Variants in CCDC158 observed in about 807,000 individuals in gnomAD.
The protein encoded by CCDC158 is coiled-coil domain containing 158, also known as coiled-coil domain-containing protein 158.
CCDC158 carries 116 observed loss-of-function variants against 138.6 expected under a neutral mutation model. The ratio of observed to expected loss-of-function variants is 0.84; its 90% confidence interval spans 0.72 to 0.98. CCDC158 has a LOEUF of 0.98. CCDC158 is among the 50% of genes least tolerant of loss of function. The pLI, the probability that CCDC158 is intolerant of heterozygous loss-of-function variation, is 0.00. For synonymous variants in CCDC158, 436 were observed against 442.4 expected, an observed-to-expected ratio of 0.99 and a Z score of 0.18; for missense variants, 1,265 against 1,306.1, an observed-to-expected ratio of 0.97 and a Z score of 0.48.
chr4:76,401,836 T>A (rs1728420182), intron 3 of CCDC158, among the ~76,000 whole-genome samples: 1 of 152,138 alleles, frequency 6.6e-6, no homozygotes, highest in Non-Finnish European at 1.5e-5. Flanking sequence ...GTGATCTAAG[T>A]GCCAGTGCCA....
intron 18 of CCDC158, chr4:76,344,667 A>C: frequency 6.2e-7 from 1 of 1,612,678 alleles, no homozygotes; most frequent in Non-Finnish European, 8.5e-7. Context: ...CACACTGCCC[A>C]TGTTTCAGAG....
chr4:76,335,933 G>A (rs1721442612), intron 18 of CCDC158, among the ~76,000 whole-genome samples: 1 of 151,184 alleles, frequency 6.6e-6, no homozygotes, highest in African/African-American at 2.4e-5. Context: ...TGTAATCCCA[G>A]CACTTTGGGA....
intron 4 of CCDC158, among the ~76,000 whole-genome samples, chr4:76,387,821 T>TAAAAAAAAAAAAAAAAAAA: frequency 9.6e-6 from 1 of 104,018 alleles, no homozygotes; most frequent in East Asian, 2.8e-4. Flanking sequence ...AGACTACAAC[T>TAAAAAAAAAAAAAAAAAAA]AAAAAAAAAA....
intron 24 of CCDC158, among the ~76,000 whole-genome samples, chr4:76,315,128 G>A (rs1719252271): frequency 1.3e-5 from 2 of 152,152 alleles, no homozygotes; most frequent in Non-Finnish European, 2.9e-5. Context: ...CCAACTGTGT[G>A]GGAGCTAGGT....
intron 4 of CCDC158, among the ~76,000 whole-genome samples, chr4:76,385,045 C>G (rs558510719): frequency 1.4e-4 from 21 of 152,206 alleles, no homozygotes; most frequent in Admixed American, 2.6e-4. Context: ...CAGCAAACAC[C>G]ACCATCCAAA....
rs1722382842 is a variant in CCDC158, at chr4:76,344,753, T to C, written c.2664+6243A>G. 7 of 1,613,298 alleles carry C rather than the reference T, an allele frequency of 4.3e-6. No individual in the cohort carries two copies. In the Admixed American group the frequency reaches 1.2e-4, roughly 27 times the overall value. ...ACACTCTTATTGAAACAACAGACTATGCTGGGCTTATTATTCCACCTGCTG... is the reference window on the plus strand; with the variant it reads ...ACACTCTTATTGAAACAACAGACTACGCTGGGCTTATTATTCCACCTGCTG... On this transcript the variant is annotated intron_variant, in intron 18 of 24. Transcript: ENST00000682701.
chr4:76,362,287 A>G lies in CCDC158; in HGVS notation c.1859T>C (p.Ile620Thr), dbSNP rs751963847. The G allele has an allele frequency of 6.2e-7, 1 of 1,612,592 alleles. No homozygotes were observed. Among genetic ancestry groups the G allele is most frequent in the East Asian group, 2.2e-5 (1 of 44,864 alleles). Reference protein sequence around the residue: ...KILKDKKDAKIRELEARVSDL... With the variant: ...KILKDKKDAKTRELEARVSDL... ...ACTCACTCTGGCCTCAAGCTCCCGGATCTTTGCATCTTTTTTATCTTTTAA... is the reference window on the plus strand; with the variant it reads ...ACTCACTCTGGCCTCAAGCTCCCGGGTCTTTGCATCTTTTTTATCTTTTAA... Residue 620 changes from isoleucine (I) to threonine (T), a missense_variant, in exon 13 of 25, where the codon ATC becomes ACC. Transcript: ENST00000682701.
chr4:76,367,671 T>C lies in CCDC158; in HGVS notation c.1453A>G (p.Thr485Ala), dbSNP rs1269912485. 5 of 1,614,108 alleles carry C rather than the reference T, an allele frequency of 3.1e-6. No individual in the cohort carries two copies. In the African/African-American group the frequency reaches 4.0e-5, roughly 13 times the overall value. ...CTCTCCAGAGTCATTTTCTTGGCTG[T>C]CAACTCTTCTACTACTTTGCGCAGC... ...EMLRKVVEEL[T>A]AKKMTLESSE... The change falls in exon 12 of 25, where the codon ACA becomes GCA. Residue 485 changes from threonine to alanine, a missense_variant. Coordinates refer to ENST00000682701, the MANE Select transcript of CCDC158 (RefSeq NM_001394954.1).
At chr4:76,416,464 T>A (rs1297296785) in intron 1 of CCDC158, among the ~76,000 whole-genome samples, 2 of 152,034 alleles carry the variant, frequency 1.3e-5, no homozygotes, top group African/African-American at 4.8e-5. Context: ...CTAATGTTAA[T>A]CCCCAAGACC....
At chr4:76,325,714 A>T in intron 23 of CCDC158, 143 bp downstream of exon 23, 3 of 568,084 alleles carry the variant, frequency 5.3e-6, no homozygotes, top group Non-Finnish European at 8.8e-6. Context: ...CTATTTAAAA[A>T]AGACCTGTTT....
chr4:76,325,682 T>C (rs2271403), intron 23 of CCDC158, among the ~76,000 whole-genome samples, 175 bp downstream of exon 23: 87,953 of 152,116 alleles, frequency 0.58, 26,447 homozygotes, highest in East Asian at 0.78. Flanking sequence ...TACTAAGGCT[T>C]GCATGGTACA....
chr4:76,334,000 AC>A lies in CCDC158; in HGVS notation c.2822+9del, dbSNP rs756762692. The stretch of plus-strand genomic sequence containing the variant: ...ATGAGCTTTCCCATTCTGTGTGCAC[AC>A]AGCCTTACACAGCCACATACAAGGC... On this transcript the variant is annotated intron_variant, in intron 19 of 24. Transcript: ENST00000682701. The A allele has an allele frequency of 7.0e-6, 11 of 1,571,086 alleles. No homozygotes were observed. The highest frequency in any genetic ancestry group is 9.5e-6 in the Non-Finnish European group (11 of 1,153,468).
chr4:76,352,449 A>C (rs1459938544), intron 16 of CCDC158: 2 of 152,206 alleles, frequency 1.3e-5, no homozygotes, highest in African/African-American at 4.8e-5. Context: ...AAATAACCAC[A>C]ACTGAAATTC....
chr4:76,365,235 G>A (rs994598135), intron 12 of CCDC158, among the ~76,000 whole-genome samples: 4 of 152,174 alleles, frequency 2.6e-5, no homozygotes, highest in Non-Finnish European at 4.4e-5. Context: ...CTGAAGAGGG[G>A]ACAGAAACCA....
Position 76,420,265 on chromosome 4 carries a change from T to C in CCDC158, c.-117+700A>G, listed in dbSNP as rs144432909. ...GTCCTTTCCCCACACGCCCCCGCCA[T>C]ACCCGGCCACAACGCCTTAATCTCC... On this transcript the variant is annotated intron_variant, in intron 1 of 24. Transcript: ENST00000682701. Among the ~76,000 whole-genome samples the C allele has an allele frequency of 4.4e-3, 675 of 152,170 alleles. 6 individuals are homozygous for C. Among genetic ancestry groups the C allele is most frequent in the African/African-American group, 0.015 (613 of 41,534 alleles).
intron 11 of CCDC158, among the ~76,000 whole-genome samples, chr4:76,368,757 C>T (rs1038584208): frequency 1.3e-5 from 2 of 152,244 alleles, no homozygotes; most frequent in Non-Finnish European, 1.5e-5. Flanking sequence ...ACCTTCAACC[C>T]TGTTGCTTCT....
intron 18 of CCDC158, among the ~76,000 whole-genome samples, chr4:76,343,329 G>A (rs1280385840): frequency 6.6e-6 from 1 of 152,104 alleles, no homozygotes; most frequent in Non-Finnish European, 1.5e-5. Context: ...CAGTTGAAAA[G>A]CCCTGACAAC....
chr4:76,421,166 C>T (rs1730097010), upstream of CCDC158, among the ~76,000 whole-genome samples: 1 of 151,980 alleles, frequency 6.6e-6, no homozygotes, highest in African/African-American at 2.4e-5. Flanking sequence ...CTCCTCGCGG[C>T]TGTGGCGCTC....
intron 1 of CCDC158, among the ~76,000 whole-genome samples, chr4:76,415,823 T>C (rs1216463092): frequency 6.6e-6 from 1 of 152,190 alleles, no homozygotes; most frequent in Non-Finnish European, 1.5e-5. Context: ...TCAAGTGGAC[T>C]GTGGTCTAGT....
Sources: allele counts gnomAD v4.1 joint callset (sites outside exome capture counted in the v4.1 genomes callset), GRCh38; gene constraint gnomAD v4.1.1; transcripts MANE v1.5; gene names NCBI Gene and HGNC (gene_info 2026-07-23, HGNC 2026-07-21).